GNG2: variants seen among roughly 807,000 people sequenced by gnomAD.
GNG2 encodes guanine nucleotide-binding protein G(I)/G(S)/G(O) subunit gamma-2.
Under a neutral mutation model 5.5 loss-of-function variants are expected in GNG2, and 5 were observed. The observed-to-expected ratio is 0.91, with a 90% CI of 0.48 to 1.92. GNG2 has a LOEUF of 1.92. GNG2 is among the 30% of genes most tolerant of loss of function. The probability of loss-of-function intolerance (pLI) is 0.01; values close to 1 mark genes in which losing one functional copy is unlikely to be tolerated. For synonymous variants in GNG2, 28 were observed against 32.0 expected (o/e 0.88, Z 0.42); for missense variants, 55 against 88.4 (o/e 0.62, Z 1.52).
chr14:51,945,898 G>GTTGT (rs142051968), intron 2 of GNG2, among the ~76,000 whole-genome samples: 8,112 of 151,396 alleles, frequency 0.054, 477 homozygotes, highest in East Asian at 0.14. Context: ...CTCACGTTGC[G>GTTGT]TTGTTTGTTT....
rs1883680814 is a variant in GNG2 at position 51,876,558 on chromosome 14, C to T, written c.-70-1059C>T. ...GCTTATTTTGCCTGTCCCACCTAGT[C>T]TTTGTTACCCAAGGGTTCATTCTCC... On this transcript the variant is annotated intron_variant, in intron 1 of 3. Transcript: ENST00000556766. Among the ~76,000 whole-genome samples, 3 of 152,052 alleles carry T rather than the reference C, an allele frequency of 2.0e-5. No individual in the cohort carries two copies. In the South Asian group the frequency reaches 6.2e-4, roughly 32 times the overall value.
At chr14:51,859,103 C>T (rs1188883906), upstream of GNG2, among the ~76,000 whole-genome samples, 1 of 152,150 alleles carries the variant, frequency 6.6e-6, no homozygotes, top group East Asian at 1.9e-4. Context: ...TGTTAGTTTA[C>T]TTGCTGGAGG....
intron 2 of GNG2, among the ~76,000 whole-genome samples, chr14:51,882,205 CA>C (rs1335763330): frequency 6.6e-6 from 1 of 152,150 alleles, no homozygotes; most frequent in Non-Finnish European, 1.5e-5. Context: ...AGCTGCACAA[CA>C]CCGTGAATGT....
At chr14:51,936,966 C>T (rs11625461) in intron 2 of GNG2, among the ~76,000 whole-genome samples, 7,323 of 152,224 alleles carry the variant, frequency 0.048, 241 homozygotes, top group East Asian at 0.14. Flanking sequence ...AAATAAACAG[C>T]CATTCTGTAA....
chr14:51,920,523 C>T (rs776951446), intron 2 of GNG2, among the ~76,000 whole-genome samples: 33 of 152,046 alleles, frequency 2.2e-4, no homozygotes, highest in Non-Finnish European at 3.5e-4. Flanking sequence ...TTTACGGATA[C>T]AGAAGGCAGA....
intron 2 of GNG2, among the ~76,000 whole-genome samples, chr14:51,842,930 G>T (rs1054376975): frequency 6.6e-6 from 1 of 152,148 alleles, no homozygotes; most frequent in African/African-American, 2.4e-5. Flanking sequence ...TTCCAGAAGT[G>T]CTGGGATTAC....
intron 2 of GNG2, among the ~76,000 whole-genome samples, chr14:51,828,544 ATGT>A (rs1002310674): frequency 2.2e-4 from 33 of 152,164 alleles, no homozygotes; most frequent in Middle Eastern, 3.4e-3. Flanking sequence ...AGAAGAAAAC[ATGT>A]TGTTTTCACT....
chr14:51,876,870 T>A lies in GNG2; in HGVS notation c.-70-747T>A, dbSNP rs553748679. 3.3e-5 allele frequency among the ~76,000 whole-genome samples: 5 copies of A among 152,326 alleles called. No homozygotes were observed. In the South Asian group the frequency reaches 1.0e-3, roughly 32 times the overall value. On this transcript the variant is annotated intron_variant, in intron 1 of 3. Transcript: ENST00000556766. ...GAGATATCTCTTTGTTCTCAGACAC[T>A]GCAAAATAGGAATGGGAAAGTGTTC... is the stretch of plus-strand genomic sequence containing the variant.
chr14:51,925,011 T>A (rs1887223448), intron 2 of GNG2, among the ~76,000 whole-genome samples: 1 of 152,170 alleles, frequency 6.6e-6, no homozygotes, highest in South Asian at 2.1e-4. Context: ...GGATTCAAAA[T>A]CACAGCTACA....
chr14:51,901,433 G>A (rs1189983154), intron 2 of GNG2, among the ~76,000 whole-genome samples: 3 of 151,902 alleles, frequency 2.0e-5, no homozygotes, highest in Admixed American at 6.5e-5. Flanking sequence ...GGCTCAAGCA[G>A]TCGGCCTGCC....
At chr14:51,914,491 T>A (rs1157615386) in intron 2 of GNG2, among the ~76,000 whole-genome samples, 1 of 152,222 alleles carries the variant, frequency 6.6e-6, no homozygotes, top group East Asian at 1.9e-4. Flanking sequence ...GGGTGTTAAG[T>A]CCCGTGTAGA....
chr14:51,898,117 T>C (rs1885321543), intron 2 of GNG2, among the ~76,000 whole-genome samples: 1 of 152,200 alleles, frequency 6.6e-6, no homozygotes, highest in Non-Finnish European at 1.5e-5. Context: ...TTAGAGAACA[T>C]GAATACTAGT....
At chr14:51,897,602 G>A (rs1885282183) in intron 2 of GNG2, among the ~76,000 whole-genome samples, 1 of 152,212 alleles carries the variant, frequency 6.6e-6, no homozygotes. Context: ...GTGAATCCAT[G>A]ATCAAATTTG....
chr14:51,953,403 C>CA (rs1889099892), intron 3 of GNG2, among the ~76,000 whole-genome samples: 1 of 152,018 alleles, frequency 6.6e-6, no homozygotes, highest in East Asian at 1.9e-4. Flanking sequence ...ACAAGATATC[C>CA]AAGAAGCATA....
intron 3 of GNG2, among the ~76,000 whole-genome samples, chr14:51,962,953 G>A (rs185009245): frequency 1.4e-3 from 220 of 152,246 alleles, no homozygotes; most frequent in Non-Finnish European, 2.4e-3. Context: ...AGGAGCTGTG[G>A]GACCTGGGGC....
At chr14:51,963,739 A>G (rs1160458470) in intron 3 of GNG2, among the ~76,000 whole-genome samples, 1 of 152,234 alleles carries the variant, frequency 6.6e-6, no homozygotes, top group Non-Finnish European at 1.5e-5. Context: ...ATGATATTGA[A>G]CAACTTATAT....
chr14:51,940,756 G>A (rs1405163787), intron 2 of GNG2, among the ~76,000 whole-genome samples: 1 of 152,070 alleles, frequency 6.6e-6, no homozygotes, highest in Non-Finnish European at 1.5e-5. Flanking sequence ...AGAAATTAGT[G>A]TTTGCTGATT....
chr14:51,891,346 A>T (rs1884842978), intron 2 of GNG2, among the ~76,000 whole-genome samples: 1 of 152,258 alleles, frequency 6.6e-6, no homozygotes, highest in Non-Finnish European at 1.5e-5. Flanking sequence ...CTTCATAGGC[A>T]TAAAGCTGTG....
At chr14:51,889,973 T>C (rs994690285) in intron 2 of GNG2, among the ~76,000 whole-genome samples, 1 of 152,218 alleles carries the variant, frequency 6.6e-6, no homozygotes, top group Non-Finnish European at 1.5e-5. Context: ...AATCAGATTA[T>C]TTATCAAACT....
Sources: gnomAD v4.1 joint callset for allele counts (sites outside exome capture counted in the v4.1 genomes callset) on GRCh38, gnomAD v4.1.1 for gene constraint, MANE v1.5 for transcripts, NCBI Gene and HGNC (gene_info 2026-07-23, HGNC 2026-07-21) for gene names.